The following POLG variants were observed in gnomAD, a reference collection of about 807,000 sequenced individuals.
The protein encoded by POLG is DNA polymerase subunit gamma-1.
Under a neutral mutation model 155.4 loss-of-function variants are expected in POLG, and 110 were observed. The ratio of observed to expected loss-of-function variants is 0.71; its 90% CI spans 0.61 to 0.83. The LOEUF (loss-of-function observed/expected upper bound fraction) is 0.83. POLG is among the 40% of genes least tolerant of loss of function. The probability of loss-of-function intolerance (pLI) is 0.00; values close to 1 mark genes in which losing one functional copy is unlikely to be tolerated. For synonymous variants in POLG, 701 were observed against 631.5 expected, an observed-to-expected ratio of 1.11 and a Z score of -1.65; for missense variants, 1,685 against 1,627.5, an observed-to-expected ratio of 1.04 and a Z score of -0.61.
Position 89,321,563 on chromosome 15 carries a change from T to C in POLG, c.2598+173A>G, listed in dbSNP as rs552475515. Among the ~76,000 whole-genome samples the C allele has an allele frequency of 5.9e-5, 9 of 152,290 alleles. No individual in the cohort carries two copies. The South Asian group carries it at 1.9e-3, about 32-fold the overall frequency. On this transcript the variant is annotated intron_variant, in intron 16 of 22. Transcript: ENST00000268124. ...GCCAGGAGCAGGTGCCCAGAACATA[T>C]TTACTGAAGGAGTGGACAGAAATCA... is the stretch of plus-strand genomic sequence containing the variant.
At chr15:89,327,880 T>C (rs914551885) in intron 6 of POLG, among the ~76,000 whole-genome samples, 4 of 152,160 alleles carry the variant, frequency 2.6e-5, no homozygotes, top group Admixed American at 2.0e-4. Context: ...ACCTAATGAA[T>C]AGTAAACATA....
chr15:89,332,855 T>C (rs894619194), intron 2 of POLG, among the ~76,000 whole-genome samples: 5 of 152,224 alleles, frequency 3.3e-5, no homozygotes, highest in African/African-American at 9.6e-5. Flanking sequence ...TACAGCGCTC[T>C]ACTGTGATTC....
chr15:89,319,743 G>T (rs1040648099), intron 18 of POLG, among the ~76,000 whole-genome samples: 2 of 152,154 alleles, frequency 1.3e-5, no homozygotes, highest in Non-Finnish European at 2.9e-5. Flanking sequence ...GGGGATAGGG[G>T]TAAGAATAGG....
rs3176231 is a variant in POLG at position 89,317,700 on chromosome 15, T to G, written c.3483-164A>C. 3,698 of 704,280 alleles carry G rather than the reference T, an allele frequency of 5.3e-3. 83 individuals carry two copies. The African/African-American group carries it at 0.058, about 11-fold the overall frequency. 43.6% of individuals were successfully genotyped at this position (704,280 alleles called of 1,614,324 possible). A position where few individuals can be genotyped will look rare whatever the true frequency, so the allele number is the denominator to read the frequency against. On this transcript the variant is annotated intron_variant, in intron 21 of 22. Transcript: ENST00000268124. ...GAAAGGTGAAGGTCCAGCACTGTTT[T>G]CCATCCAGCAGCCTAACCTCCCACT...
At chr15:89,326,840 G>A in intron 8 of POLG, 72 bp downstream of exon 8, 1 of 1,609,234 alleles carries the variant, frequency 6.2e-7, no homozygotes, top group Non-Finnish European at 8.5e-7. Flanking sequence ...TCCTTTCGAA[G>A]GACCCCCTCA....
Position 89,333,866 on chromosome 15 carries a change from T to A in POLG, c.-112A>T. On this transcript the variant is annotated 5_prime_UTR_variant, in exon 2 of 23. Coordinates refer to ENST00000268124, the MANE Select transcript of POLG (RefSeq NM_002693.3). ...AGAGAGACACGTCCTGTCTCTGCTC[T>A]CCTGTCAGTGAAATGGGTTTGACCA... 7.7e-7 allele frequency: 1 copy of A among 1,295,490 alleles called. No homozygotes were observed. The highest frequency in any genetic ancestry group is 1.1e-6 in the Non-Finnish European group (1 of 932,294). 80.2% of individuals were successfully genotyped at this position (1,295,490 alleles called of 1,614,324 possible). A position where few individuals can be genotyped will look rare whatever the true frequency, so the allele number is the denominator to read the frequency against.
chr15:89,332,685 C>T (rs2055609978), intron 2 of POLG, among the ~76,000 whole-genome samples: 1 of 151,904 alleles, frequency 6.6e-6, no homozygotes, highest in South Asian at 2.1e-4. Context: ...TGGGACAGTC[C>T]CACAAAAGGG....
In POLG at chr15:89,320,882, A is replaced by G. The variant is rs1567186574; in HGVS notation, c.2865T>C (p.Tyr955=). 3 of 1,614,034 alleles carry G rather than the reference A, an allele frequency of 1.9e-6. No homozygotes were observed. The highest frequency in any genetic ancestry group is 2.2e-5 in the East Asian group (1 of 44,878). The change falls in exon 18 of 23, where the codon TAT becomes TAC. Residue 955 remains tyrosine, a synonymous_variant. Coordinates refer to ENST00000268124, the MANE Select transcript of POLG (RefSeq NM_002693.3). ...GCTCAGCAAAGGGCTGCCCAGCACCATAGATGCGGCCGTAGTTGAAGATTT... is the reference window on the plus strand; with the variant it reads ...GCTCAGCAAAGGGCTGCCCAGCACCGTAGATGCGGCCGTAGTTGAAGATTT... ...HAKIFNYGRI[Y]GAGQPFAERL...
rs760878504 is a variant in POLG at position 89,327,058 on chromosome 15, T to C, written c.1439A>G (p.Lys480Arg). 2.5e-6 allele frequency: 4 copies of C among 1,614,214 alleles called. No individual in the cohort carries two copies. Among genetic ancestry groups the C allele is most frequent in the Admixed American group, 1.7e-5 (1 of 60,026 alleles). ...CAGGTCCCAGAGCCAGGGGTCTTCT[T>C]TGTACCTACAGAGCCAGTCCACTAG... The part of the protein sequence containing the change: ...ACQLLSGERY[K>R]EDPWLWDLEW... The change falls in exon 8 of 23, where the codon AAA (lysine) becomes AGA (arginine). Residue 480 changes from lysine (K) to arginine (R), a missense_variant. Physicochemically the swap from Lys to Arg is conservative, Grantham distance 26. Around this residue, in one of 3 missense-constraint regions of POLG, gnomAD observed 1,210 missense variants for 1,167.1 expected, o/e 1.04. Transcript: ENST00000268124.
intron 13 of POLG, 151 bp from the exon 14 acceptor site, chr15:89,323,053 G>GCGCA: frequency 1.4e-6 from 1 of 725,066 alleles, no homozygotes; most frequent in Non-Finnish European, 2.3e-6. Flanking sequence ...GCGCGCACGC[G>GCGCA]CGCACGCACA....
intron 12 of POLG, 48 bp from the exon 13 acceptor site, chr15:89,323,559 T>C (rs1567188309): frequency 8.1e-7 from 1 of 1,230,030 alleles, no homozygotes; most frequent in East Asian, 2.3e-5. Context: ...GCACCTGCAT[T>C]CAGCAAGGGC....
rs761844984 is a variant in POLG, at chr15:89,325,085, A to AGAGTGAGT, written c.1949+357_1949+364dup. On this transcript the variant is annotated intron_variant, in intron 10 of 22. Coordinates refer to ENST00000268124, the MANE Select transcript of POLG (RefSeq NM_002693.3). ...GTGAGTGAGTGAGTGAGTGAGTGAG[A>AGAGTGAGT]GAGTGAGTGAGTGAGAGAGTGAGAG... 5.1e-3 allele frequency among the ~76,000 whole-genome samples: 396 copies of AGAGTGAGT among 77,700 alleles called. 59 individuals are homozygous for AGAGTGAGT. The highest frequency in any genetic ancestry group is 7.9e-3 in the Non-Finnish European group (334 of 42,028). 51.0% of individuals were successfully genotyped at this position (77,700 alleles called of 152,430 possible).
chr15:89,318,661 T>TCAAA lies in POLG; in HGVS notation c.3358_3361dup (p.Glu1121ValfsTer2), dbSNP rs1064793800. The TCAAA allele has an allele frequency of 6.2e-7, 1 of 1,614,064 alleles. No homozygotes were observed. The highest frequency in any genetic ancestry group is 8.5e-7 in the Non-Finnish European group (1 of 1,180,024). On this transcript the variant is annotated stop_gained and frameshift_variant, in exon 21 of 23. Transcript: ENST00000268124. LOFTEE classifies it high-confidence loss of function. Reference sequence around the variant, plus strand: ...GAAGCGCCCATCTATGGCAAACTCTTCAAACAGCCACTTCATGGCCACAAG... The same window carrying TCAAA: ...GAAGCGCCCATCTATGGCAAACTCTTCAAACAAACAGCCACTTCATGGCCACAAG...
chr15:89,326,907 C>T lies in POLG; in HGVS notation c.1585+5G>A, dbSNP rs746876298. ...CCTACCCTACCTCCCACCCATGCTC[C>T]CCACCTTCCTGATCCATGGGATCAC... On this transcript the variant is annotated splice_donor_5th_base_variant and intron_variant, in intron 8 of 22. Transcript: ENST00000268124. 1.3e-5 allele frequency: 21 copies of T among 1,613,944 alleles called. No homozygotes were observed. Among genetic ancestry groups the T allele is most frequent in the Non-Finnish European group, 1.4e-5 (16 of 1,180,002 alleles).
chr15:89,321,035 A>G (rs778952071), intron 17 of POLG, 23 bp from the exon 18 acceptor site: 3 of 1,614,158 alleles, frequency 1.9e-6, no homozygotes, highest in East Asian at 2.2e-5. Context: ...CAGGAGTGAG[A>G]AAAGCAGCTC....
intron 8 of POLG, 26 bp downstream of exon 8, chr15:89,326,886 C>G: frequency 6.2e-7 from 1 of 1,613,642 alleles, no homozygotes; most frequent in Non-Finnish European, 8.5e-7. Context: ...CCCTACCCTA[C>G]CCTACCTCCC....
rs1436553864 is a variant in POLG, at chr15:89,323,772, A to G, written c.2157+43T>C. On this transcript the variant is annotated intron_variant, in intron 12 of 22. Transcript: ENST00000268124. ...AGGTGGGCAAGAGGAAGCCCTTTCC[A>G]CCCAGCACCCACCTAGAGAACCCAA... 5 of 1,485,630 alleles carry G rather than the reference A, an allele frequency of 3.4e-6. No individual in the cohort carries two copies. In the Admixed American group the frequency reaches 6.7e-5, roughly 20 times the overall value. The allele number at this position is 1,485,630 out of a possible 1,614,324, so 92.0% of individuals were successfully genotyped here.
chr15:89,328,069 CCTT>C (rs1453558554), intron 6 of POLG, among the ~76,000 whole-genome samples: 4 of 150,608 alleles, frequency 2.7e-5, no homozygotes, highest in Non-Finnish European at 5.9e-5. Context: ...AATTTTCCTC[CCTT>C]CTTTTTTCTT....
chr15:89,322,617 CA>C, intron 14 of POLG, 124 bp downstream of exon 14: 2 of 1,049,338 alleles, frequency 1.9e-6, no homozygotes, highest in Admixed American at 3.4e-5. Flanking sequence ...GCACCAGGAC[CA>C]AAAGTAGCCA....
Sources: gnomAD v4.1 joint callset for allele counts (sites outside exome capture counted in the v4.1 genomes callset) on GRCh38, gnomAD v4.1.1 for gene constraint, gnomAD v4.1.1 regional missense constraint, MANE v1.5 for transcripts, NCBI Gene and HGNC (gene_info 2026-07-23, HGNC 2026-07-21) for gene names.